The following TMEM87B variants were observed in gnomAD, a reference collection of about 807,000 sequenced individuals.
The protein encoded by TMEM87B is transmembrane protein 87B.
In TMEM87B, 83 loss-of-function variants were observed where a neutral mutation model predicts 80.3. The observed-to-expected ratio is 1.03, with a 90% CI of 0.87 to 1.24. The LOEUF is 1.24. TMEM87B is among the 50% of genes most tolerant of loss of function. The pLI is 0.00. For synonymous variants in TMEM87B, 219 were observed against 230.5 expected, an observed-to-expected ratio of 0.95 and a Z score of 0.45; for missense variants, 625 against 674.4, an observed-to-expected ratio of 0.93 and a Z score of 0.81.
intron 8 of TMEM87B, among the ~76,000 whole-genome samples, chr2:112,082,038 G>A (rs773920966): frequency 6.6e-5 from 10 of 152,074 alleles, no homozygotes; most frequent in African/African-American, 9.7e-5. Context: ...CACAGTTTAC[G>A]CAGTGGAATA....
intron 14 of TMEM87B, among the ~76,000 whole-genome samples, chr2:112,099,535 T>C (rs1028565409): frequency 6.9e-5 from 7 of 101,242 alleles, no homozygotes; most frequent in African/African-American, 3.4e-4. Flanking sequence ...CATATATATA[T>C]ATATATATAT....
At chr2:112,071,406 A>G (rs1678632042) in intron 4 of TMEM87B, among the ~76,000 whole-genome samples, 1 of 151,000 alleles carries the variant, frequency 6.6e-6, no homozygotes, top group African/African-American at 2.4e-5. Flanking sequence ...GGTTCAAGCA[A>G]TTCTCCTGCC....
intron 4 of TMEM87B, among the ~76,000 whole-genome samples, chr2:112,070,507 G>A (rs1351602594): frequency 6.6e-6 from 1 of 151,992 alleles, no homozygotes; most frequent in Admixed American, 6.6e-5. Flanking sequence ...ATATTTCTGG[G>A]CTCTCTATTC....
chr2:112,108,326 A>G (rs935767105), intron 17 of TMEM87B, among the ~76,000 whole-genome samples: 1 of 152,194 alleles, frequency 6.6e-6, no homozygotes, highest in African/African-American at 2.4e-5. Context: ...ATAGCCAAGT[A>G]TGATAAAATT....
Position 112,113,424 on chromosome 2 carries a change from C to G in TMEM87B, c.1608+495C>G, listed in dbSNP as rs114018623. 2.0e-5 allele frequency among the ~76,000 whole-genome samples: 3 copies of G among 152,226 alleles called. No homozygotes were observed. In the East Asian group the frequency reaches 5.8e-4, roughly 29 times the overall value. On this transcript the variant is annotated intron_variant, in intron 18 of 18. Transcript: ENST00000283206. ...ACTGGATGCACGGAACATTAACTTT[C>G]AAAAAGGACGAGTGGAGGGAAGTTA... is the stretch of plus-strand genomic sequence containing the variant.
chr2:112,085,446 A>C (rs1317927738), intron 8 of TMEM87B, among the ~76,000 whole-genome samples: 2 of 151,892 alleles, frequency 1.3e-5, no homozygotes, highest in African/African-American at 4.8e-5. Context: ...TAGTTCCCCC[A>C]GGTGTAGATT....
Position 112,116,425 on chromosome 2 carries a change from G to A in TMEM87B, c.*282G>A. On this transcript the variant is annotated 3_prime_UTR_variant, in exon 19 of 19. Coordinates refer to ENST00000283206, the MANE Select transcript of TMEM87B (RefSeq NM_032824.3). The stretch of plus-strand genomic sequence containing the variant: ...CTCTTAGCTGATAGGTGGCAGGCCT[G>A]TGGGTTTGGGTTCTCCCTCTTTTCT... 3.8e-6 allele frequency: 1 copy of A among 262,498 alleles called. No individual in the cohort carries two copies. The highest frequency in any genetic ancestry group is 6.9e-5 in the East Asian group (1 of 14,476). The allele number at this position is 262,498 out of a possible 1,614,324, so 16.3% of individuals were successfully genotyped here.
In TMEM87B at chr2:112,116,179, G is replaced by A. The variant is rs371935679; in HGVS notation, c.*36G>A. On this transcript the variant is annotated 3_prime_UTR_variant, in exon 19 of 19. Coordinates refer to ENST00000283206, the MANE Select transcript of TMEM87B (RefSeq NM_032824.3). ...TATAAGAAATGTAGTTAAGCCTGAA[G>A]GACTATCCTTCATCAAGACTGAAAG... 12 of 1,567,960 alleles carry A rather than the reference G, an allele frequency of 7.7e-6. No homozygotes were observed. In the African/African-American group the frequency reaches 9.5e-5, roughly 12 times the overall value.
intron 1 of TMEM87B, among the ~76,000 whole-genome samples, chr2:112,056,288 C>T (rs1429554792): frequency 1.3e-5 from 2 of 151,984 alleles, no homozygotes; most frequent in African/African-American, 4.8e-5. Context: ...CACCCTACCT[C>T]TATTTCTCTC....
intron 16 of TMEM87B, among the ~76,000 whole-genome samples, chr2:112,106,685 A>C (rs1043895028): frequency 6.6e-6 from 1 of 152,202 alleles, no homozygotes; most frequent in Non-Finnish European, 1.5e-5. Context: ...GAAGACAACA[A>C]TGTAAAATGG....
intron 15 of TMEM87B, among the ~76,000 whole-genome samples, chr2:112,104,166 G>T (rs960233267): frequency 2.0e-5 from 3 of 152,130 alleles, no homozygotes; most frequent in African/African-American, 7.2e-5. Context: ...TTTTAATGAC[G>T]TTGGATGGGG....
Position 112,074,957 on chromosome 2 carries a change from TCAA to T in TMEM87B, c.497_499del (p.Ser166_Met167delinsLeu), listed in dbSNP as rs771195255. 4.6e-4 allele frequency: 720 copies of T among 1,560,856 alleles called. 5 individuals carry two copies. The highest frequency in any genetic ancestry group is 5.4e-5 in the Non-Finnish European group (62 of 1,147,532). ...CAGAAATGTTTCAAACCAGGAAAGA[TCAA>T]TGGTAAGCAGTTTGATTTGTCTTTA... On this transcript the variant is annotated inframe_deletion and splice_region_variant, in exon 5 of 19. Transcript: ENST00000283206.
intron 8 of TMEM87B, 88 bp downstream of exon 8, chr2:112,081,606 C>T (rs1573702685): frequency 1.6e-6 from 2 of 1,224,400 alleles, no homozygotes; most frequent in East Asian, 4.8e-5. Context: ...CCCTTCTGAA[C>T]AGTGGTTTGG....
Position 112,112,884 on chromosome 2 carries a change from T to TC in TMEM87B, c.1578-12dup, listed in dbSNP as rs1371790614. 3.1e-6 allele frequency: 5 copies of TC among 1,612,060 alleles called. No individual in the cohort carries two copies. Among genetic ancestry groups the TC allele is most frequent in the Non-Finnish European group, 4.2e-6 (5 of 1,178,884 alleles). On this transcript the variant is annotated splice_polypyrimidine_tract_variant and intron_variant, in intron 17 of 18. Coordinates refer to ENST00000283206, the MANE Select transcript of TMEM87B (RefSeq NM_032824.3). Reference sequence around the variant, plus strand: ...TGTTAACAACATTATCACCTTTTTTTCCCTTTTATTTCAGAGCTCTTCCAG... The same window carrying TC: ...TGTTAACAACATTATCACCTTTTTTTCCCCTTTTATTTCAGAGCTCTTCCAG...
chr2:112,084,756 G>A (rs1008134901), intron 8 of TMEM87B, among the ~76,000 whole-genome samples: 2 of 152,068 alleles, frequency 1.3e-5, no homozygotes, highest in South Asian at 4.1e-4. Flanking sequence ...GATCACTGCC[G>A]GTACTCTCAT....
chr2:112,055,328 T>TC lies in TMEM87B; in HGVS notation c.-262dup. 1 of 492,786 alleles carries TC rather than the reference T, an allele frequency of 2.0e-6. No individual in the cohort carries two copies. Among genetic ancestry groups the TC allele is most frequent in the Admixed American group, 4.3e-5 (1 of 23,146 alleles). 30.5% of individuals were successfully genotyped at this position (492,786 alleles called of 1,614,324 possible). On this transcript the variant is annotated 5_prime_UTR_variant, in exon 1 of 19. Coordinates refer to ENST00000283206, the MANE Select transcript of TMEM87B (RefSeq NM_032824.3). ...TCCACGTCTCGCCGCCAACTCCACA[T>TC]CCTGGCTCCTATCTCTGCCTTCCAG...
rs989559644 is a variant in TMEM87B at position 112,118,944 on chromosome 2, T to C, written c.*2801T>C. 6 of 152,146 alleles carry C rather than the reference T, an allele frequency of 3.9e-5. No individual in the cohort carries two copies. The highest frequency in any genetic ancestry group is 7.2e-5 in the African/African-American group (3 of 41,446). 9.4% of individuals were successfully genotyped at this position (152,146 alleles called of 1,614,324 possible). ...TATGATCAAAGCATGCAATAAGCAA[T>C]ACAAAATACCAAGCCTTATACTTAA... On this transcript the variant is annotated 3_prime_UTR_variant, in exon 19 of 19. Coordinates refer to ENST00000283206, the MANE Select transcript of TMEM87B (RefSeq NM_032824.3).
chr2:112,091,384 C>G (rs1679295477), intron 10 of TMEM87B, among the ~76,000 whole-genome samples: 1 of 152,122 alleles, frequency 6.6e-6, no homozygotes, highest in Admixed American at 6.5e-5. Flanking sequence ...ATCGGGAGTT[C>G]GTTTCATTAA....
At chr2:112,058,897 A>G (rs1678162618) in intron 1 of TMEM87B, among the ~76,000 whole-genome samples, 1 of 152,216 alleles carries the variant, frequency 6.6e-6, no homozygotes, top group Non-Finnish European at 1.5e-5. Context: ...GGAAGGAGCC[A>G]TGGCTTGGGT....
Sources: gnomAD v4.1 joint callset for allele counts (sites outside exome capture counted in the v4.1 genomes callset) on GRCh38, gnomAD v4.1.1 for gene constraint, MANE v1.5 for transcripts, NCBI Gene and HGNC (gene_info 2026-07-23, HGNC 2026-07-21) for gene names.